Variants in DDX10 observed in about 807,000 individuals in gnomAD.
DDX10 encodes the protein probable ATP-dependent RNA helicase DDX10.
A neutral mutation model predicts 104.3 loss-of-function variants in DDX10; 74 were observed. The ratio of observed to expected loss-of-function variants is 0.71; its 90% confidence interval spans 0.59 to 0.86. DDX10 has a LOEUF of 0.86. DDX10 is among the 40% of genes least tolerant of loss of function. The pLI is 0.00. For missense variants in DDX10, 952 were observed against 1,040.0 expected, an observed-to-expected ratio of 0.92 and a Z score of 1.16; for synonymous variants, 351 against 353.4, an observed-to-expected ratio of 0.99 and a Z score of 0.08.
chr11:108,867,384 CCA>C (rs1863020221), intron 16 of DDX10, among the ~76,000 whole-genome samples: 1 of 152,094 alleles, frequency 6.6e-6, no homozygotes, highest in Non-Finnish European at 1.5e-5. Flanking sequence ...GAAGAGTAAG[CCA>C]GAGCTTCATT....
At chr11:108,721,843 T>C (rs2134475084) in intron 12 of DDX10, among the ~76,000 whole-genome samples, 1 of 152,286 alleles carries the variant, frequency 6.6e-6, no homozygotes, top group South Asian at 2.1e-4. Context: ...ACTGCTGCCT[T>C]CAATAAACTC....
At chr11:108,681,291 G>GA (rs1159261673) in intron 6 of DDX10, among the ~76,000 whole-genome samples, 1 of 152,102 alleles carries the variant, frequency 6.6e-6, no homozygotes. Context: ...TTTCACAAAT[G>GA]ATTTTTGAAA....
chr11:108,858,228 T>C (rs1862896543), intron 16 of DDX10, among the ~76,000 whole-genome samples: 1 of 152,196 alleles, frequency 6.6e-6, no homozygotes, highest in South Asian at 2.1e-4. Flanking sequence ...TTCTGCCTCC[T>C]TCAGGCCGAC....
intron 4 of DDX10, 85 bp downstream of exon 4, chr11:108,677,328 T>G: frequency 1.6e-6 from 2 of 1,288,518 alleles, no homozygotes. Flanking sequence ...CAGCAGAGAC[T>G]TCATCTAAAC....
At chr11:108,718,418 A>G (rs563680728) in intron 11 of DDX10, among the ~76,000 whole-genome samples, 1 of 152,294 alleles carries the variant, frequency 6.6e-6, no homozygotes, top group East Asian at 1.9e-4. Context: ...GCATGCAAAC[A>G]TGTACATTTT....
intron 17 of DDX10, among the ~76,000 whole-genome samples, chr11:108,935,337 A>AG (rs969524973): frequency 1.3e-5 from 2 of 152,168 alleles, no homozygotes; most frequent in African/African-American, 4.8e-5. Flanking sequence ...GGGTATATTA[A>AG]GGGGGGCTAA....
At position 108,675,585 on chromosome 11, in the gene DDX10, C is replaced by T. The variant is rs2094223489; in HGVS notation, c.248-11C>T. 1 of 1,612,748 alleles carries T rather than the reference C, an allele frequency of 6.2e-7. No homozygotes were observed. Reference sequence around the variant, plus strand: ...TCTTCTAAAGTATAATTCTTCCCTCCATGTTGCCAGGTTTGCAAGAAGCTC... The same window carrying T: ...TCTTCTAAAGTATAATTCTTCCCTCTATGTTGCCAGGTTTGCAAGAAGCTC... On this transcript the variant is annotated splice_polypyrimidine_tract_variant and intron_variant, in intron 2 of 17. Transcript: ENST00000322536.
At chr11:108,846,124 T>G (rs890560186) in intron 15 of DDX10, among the ~76,000 whole-genome samples, 13 of 152,178 alleles carry the variant, frequency 8.5e-5, no homozygotes, top group African/African-American at 3.1e-4. Flanking sequence ...ATTTTAAAAT[T>G]TTATGTTATC....
intron 16 of DDX10, among the ~76,000 whole-genome samples, chr11:108,885,539 G>C (rs1348729157): frequency 6.6e-6 from 1 of 151,874 alleles, no homozygotes; most frequent in Non-Finnish European, 1.5e-5. Context: ...TGTATTTTTA[G>C]TAGGGACAGG....
intron 11 of DDX10, among the ~76,000 whole-genome samples, chr11:108,718,296 A>T (rs1229020476): frequency 1.3e-5 from 2 of 152,238 alleles, no homozygotes; most frequent in Admixed American, 6.5e-5. Flanking sequence ...GAGAGCATCA[A>T]ATGGTAAGCT....
At chr11:108,701,170 T>A (rs977762220) in intron 9 of DDX10, among the ~76,000 whole-genome samples, 1 of 152,100 alleles carries the variant, frequency 6.6e-6, no homozygotes, top group Non-Finnish European at 1.5e-5. Flanking sequence ...CGTCAGACAT[T>A]CCATAAGTCA....
chr11:108,708,759 G>A (rs1008686932), intron 10 of DDX10, among the ~76,000 whole-genome samples: 1 of 151,912 alleles, frequency 6.6e-6, no homozygotes, highest in Non-Finnish European at 1.5e-5. Flanking sequence ...GTAGAGATGG[G>A]GTCTTGCCAT....
rs1302614767 is a variant in DDX10 at position 108,911,413 on chromosome 11, A to G, written c.2305-6460A>G. 2.0e-5 allele frequency among the ~76,000 whole-genome samples: 3 copies of G among 152,234 alleles called. No individual in the cohort carries two copies. In the East Asian group the frequency reaches 5.8e-4, roughly 29 times the overall value. ...CTGGTAAGGACTTGTTCTCTGCTTC[A>G]TAGATGGTACCTTCTTGCTGTGTTC... On this transcript the variant is annotated intron_variant, in intron 16 of 17. Transcript: ENST00000322536.
intron 16 of DDX10, among the ~76,000 whole-genome samples, chr11:108,879,061 T>C (rs1041409038): frequency 8.5e-5 from 13 of 152,140 alleles, no homozygotes; most frequent in African/African-American, 3.1e-4. Context: ...TGGAGTGCAG[T>C]GGCGCGATCT....
intron 13 of DDX10, among the ~76,000 whole-genome samples, chr11:108,821,555 C>G (rs576995035): frequency 6.6e-6 from 1 of 151,978 alleles, no homozygotes; most frequent in South Asian, 2.1e-4. Flanking sequence ...GGCTGTCAAA[C>G]TTTTTTTAAT....
At position 108,689,165 on chromosome 11, in the gene DDX10, AGGTGT is replaced by A. The variant is rs1772437152; in HGVS notation, c.975+108_975+112del. 7 of 1,188,986 alleles carry A rather than the reference AGGTGT, an allele frequency of 5.9e-6. No individual in the cohort carries two copies. In the East Asian group the frequency reaches 1.7e-4, roughly 28 times the overall value. 73.7% of individuals were successfully genotyped at this position (1,188,986 alleles called of 1,614,324 possible). On this transcript the variant is annotated intron_variant, in intron 7 of 17. Transcript: ENST00000322536. ...TATATTGTACGAGAAGTACAGTGCTAGGTGTGGTGAGGGATCTTTCGTGTCCTTGT... is the reference window on the plus strand; with the variant it reads ...TATATTGTACGAGAAGTACAGTGCTAGGTGAGGGATCTTTCGTGTCCTTGT...
chr11:108,862,447 C>G (rs926300904), intron 16 of DDX10, among the ~76,000 whole-genome samples: 2 of 152,166 alleles, frequency 1.3e-5, no homozygotes, highest in African/African-American at 2.4e-5. Flanking sequence ...ATTCTAGAAG[C>G]ATTAGGAGCC....
At chr11:108,809,877 C>T (rs1475788668) in intron 13 of DDX10, among the ~76,000 whole-genome samples, 1 of 152,100 alleles carries the variant, frequency 6.6e-6, no homozygotes, top group Non-Finnish European at 1.5e-5. Context: ...GTATAGCAGG[C>T]ATGTCAAAAA....
At chr11:108,810,107 G>A (rs568856712) in intron 13 of DDX10, among the ~76,000 whole-genome samples, 2 of 152,204 alleles carry the variant, frequency 1.3e-5, no homozygotes, top group African/African-American at 4.8e-5. Flanking sequence ...AAGTAAGGCC[G>A]AGTTCCATCT....
Sources: gnomAD v4.1 joint callset for allele counts (sites outside exome capture counted in the v4.1 genomes callset) on GRCh38, gnomAD v4.1.1 for gene constraint, MANE v1.5 for transcripts, NCBI Gene and HGNC (gene_info 2026-07-23, HGNC 2026-07-21) for gene names.